Variants in PCDH9 observed in about 807,000 individuals in gnomAD.
The protein encoded by PCDH9 is protocadherin-9.
A neutral mutation model predicts 70.6 loss-of-function variants in PCDH9; 24 were observed. The ratio of observed to expected loss-of-function variants is 0.34; its 90% CI spans 0.25 to 0.48. The LOEUF is 0.48. Ranked by LOEUF, PCDH9 falls within the 20% of genes least tolerant of loss-of-function variation. PCDH9 has a pLI of 0.99. For missense variants in PCDH9, 1,281 were observed against 1,503.6 expected (o/e 0.85, Z 2.45); for synonymous variants, 562 against 558.5 (o/e 1.01, Z -0.09).
intron 4 of PCDH9, among the ~76,000 whole-genome samples, chr13:66,397,468 G>GA (rs1957119703): frequency 1.9e-5 from 1 of 53,894 alleles, no homozygotes; most frequent in Non-Finnish European, 4.1e-5. Flanking sequence ...ATATATATAT[G>GA]TGTGTGTGTG....
intron 3 of PCDH9, among the ~76,000 whole-genome samples, chr13:66,661,076 C>T (rs1007108508): frequency 2.0e-5 from 3 of 152,112 alleles, no homozygotes; most frequent in Admixed American, 6.5e-5. Context: ...GTTAAAATAA[C>T]GAATCCCATT....
In PCDH9 at chr13:67,027,015, A is replaced by T. The variant is rs140375360; in HGVS notation, c.3037-123410T>A. On this transcript the variant is annotated intron_variant, in intron 2 of 4. Coordinates refer to ENST00000377865, the MANE Select transcript of PCDH9 (RefSeq NM_203487.3). ...CAAGGTAATTTATAGAGTCAATGCC[A>T]TCCCCATCAAGCTACCAATGAGTTT... 3.5e-3 allele frequency among the ~76,000 whole-genome samples: 535 copies of T among 152,326 alleles called. 5 individuals carry two copies. Among genetic ancestry groups the T allele is most frequent in the African/African-American group, 0.012 (515 of 41,572 alleles).
At chr13:66,574,509 T>A (rs959274852) in intron 4 of PCDH9, among the ~76,000 whole-genome samples, 3 of 152,160 alleles carry the variant, frequency 2.0e-5, no homozygotes, top group Non-Finnish European at 4.4e-5. Context: ...TGTTCCTTAA[T>A]CTTCTCTTGT....
chr13:66,508,161 CTG>C lies in PCDH9; in HGVS notation c.3340+123047_3340+123048del, dbSNP rs554268011. Among the ~76,000 whole-genome samples, 21 of 152,252 alleles carry C rather than the reference CTG, an allele frequency of 1.4e-4. No homozygotes were observed. In the South Asian group the frequency reaches 4.4e-3, roughly 32 times the overall value. On this transcript the variant is annotated intron_variant, in intron 4 of 4. Coordinates refer to ENST00000377865, the MANE Select transcript of PCDH9 (RefSeq NM_203487.3). ...CTGAAACATGGTATGCCCTAAATAA[CTG>C]TTTATCTAAATGAGTATTAACTGTT...
At chr13:67,057,346 C>T (rs1423236872) in intron 2 of PCDH9, among the ~76,000 whole-genome samples, 5 of 151,774 alleles carry the variant, frequency 3.3e-5, no homozygotes, top group Non-Finnish European at 2.9e-5. Flanking sequence ...GCTGACTTCA[C>T]ACCAAAGAGA....
chr13:66,951,882 A>G (rs543825745), intron 2 of PCDH9, among the ~76,000 whole-genome samples: 1 of 152,302 alleles, frequency 6.6e-6, no homozygotes, highest in African/African-American at 2.4e-5. Context: ...AGCTGTTAAA[A>G]GAAAATTTCA....
intron 4 of PCDH9, among the ~76,000 whole-genome samples, chr13:66,621,891 C>T (rs1382174969): frequency 2.6e-5 from 4 of 152,242 alleles, no homozygotes; most frequent in Admixed American, 2.0e-4. Context: ...GTGGGAGCCC[C>T]TTTCTGGGCT....
intron 3 of PCDH9, among the ~76,000 whole-genome samples, chr13:66,660,237 T>C (rs947482264): frequency 6.6e-6 from 1 of 152,224 alleles, no homozygotes; most frequent in African/African-American, 2.4e-5. Flanking sequence ...ACAGCTCTCA[T>C]TCACTTGCAG....
chr13:66,353,402 A>G (rs1057153294), intron 4 of PCDH9, among the ~76,000 whole-genome samples: 3 of 152,308 alleles, frequency 2.0e-5, no homozygotes, highest in Admixed American at 1.3e-4. Flanking sequence ...CAACTTAGAT[A>G]AAAAACTTCC....
chr13:67,058,677 A>G (rs1329682797), intron 2 of PCDH9, among the ~76,000 whole-genome samples: 1 of 152,134 alleles, frequency 6.6e-6, no homozygotes, highest in Admixed American at 6.6e-5. Flanking sequence ...TGTCAAATAG[A>G]AACACTGTGT....
At chr13:67,043,452 G>T (rs1468139720) in intron 2 of PCDH9, among the ~76,000 whole-genome samples, 2 of 152,104 alleles carry the variant, frequency 1.3e-5, no homozygotes, top group African/African-American at 4.8e-5. Flanking sequence ...GGAGAAAATC[G>T]AAAGTTTCTT....
At chr13:66,755,612 T>TG (rs918362144) in intron 3 of PCDH9, among the ~76,000 whole-genome samples, 15 of 151,596 alleles carry the variant, frequency 9.9e-5, no homozygotes, top group African/African-American at 1.7e-4. Context: ...AGGTGTGGGG[T>TG]GGGGGGGCAT....
chr13:66,728,296 GT>G (rs1162562238), intron 3 of PCDH9, among the ~76,000 whole-genome samples: 3 of 152,026 alleles, frequency 2.0e-5, no homozygotes, highest in Non-Finnish European at 4.4e-5. Context: ...GTACACTGGA[GT>G]TTCCAAATCA....
intron 2 of PCDH9, among the ~76,000 whole-genome samples, chr13:67,100,739 CTT>C (rs1421256474): frequency 6.6e-6 from 1 of 152,172 alleles, no homozygotes; most frequent in Non-Finnish European, 1.5e-5. Flanking sequence ...TCAGGAAACA[CTT>C]TGAGAATTTC....
chr13:67,186,253 T>G (rs2088756477), intron 2 of PCDH9, among the ~76,000 whole-genome samples: 2 of 152,146 alleles, frequency 1.3e-5, no homozygotes, highest in Non-Finnish European at 2.9e-5. Context: ...TAATTTATAT[T>G]GATTCACCTT....
In PCDH9 at chr13:66,516,713, G is replaced by A. The variant is rs541282866; in HGVS notation, c.3340+114497C>T. 5.3e-5 allele frequency among the ~76,000 whole-genome samples: 8 copies of A among 151,618 alleles called. No homozygotes were observed. In the East Asian group the frequency reaches 1.2e-3, roughly 22 times the overall value. On this transcript the variant is annotated intron_variant, in intron 4 of 4. Coordinates refer to ENST00000377865, the MANE Select transcript of PCDH9 (RefSeq NM_203487.3). Reference sequence around the variant, plus strand: ...CCACCCTCCAAAAAGAAAACCATCCGAAATCTCTCTCTCTCTCTCCCTCAC... The same window carrying A: ...CCACCCTCCAAAAAGAAAACCATCCAAAATCTCTCTCTCTCTCTCCCTCAC...
chr13:66,528,226 C>T (rs1960295336), intron 4 of PCDH9, among the ~76,000 whole-genome samples: 2 of 152,070 alleles, frequency 1.3e-5, no homozygotes, highest in Non-Finnish European at 2.9e-5. Context: ...TTATAATTTC[C>T]GAAAGATCCA....
At chr13:66,444,770 A>G (rs1958039753) in intron 4 of PCDH9, among the ~76,000 whole-genome samples, 1 of 152,002 alleles carries the variant, frequency 6.6e-6, no homozygotes, top group Admixed American at 6.6e-5. Flanking sequence ...CATGTTGGCC[A>G]GGCTGTTCCT....
chr13:66,918,482 T>C (rs1415442789), intron 2 of PCDH9, among the ~76,000 whole-genome samples: 2 of 151,242 alleles, frequency 1.3e-5, no homozygotes, highest in African/African-American at 4.8e-5. Flanking sequence ...TTTATTATTG[T>C]TTTTGATGGT....
Sources: allele counts gnomAD v4.1 joint callset (sites outside exome capture counted in the v4.1 genomes callset), GRCh38; gene constraint gnomAD v4.1.1; transcripts MANE v1.5; gene names NCBI Gene and HGNC (gene_info 2026-07-23, HGNC 2026-07-21).